CCSER1: variants seen among roughly 807,000 people sequenced by gnomAD.
The protein encoded by CCSER1 is coiled-coil serine rich protein 1.
A neutral mutation model predicts 82.0 loss-of-function variants in CCSER1; 41 were observed. The observed-to-expected ratio is 0.50, with a 90% CI of 0.39 to 0.65. The LOEUF is 0.65. Ranked by LOEUF, CCSER1 falls within the 30% of genes least tolerant of loss-of-function variation. The probability of loss-of-function intolerance (pLI) is 0.00; values close to 1 mark genes in which losing one functional copy is unlikely to be tolerated. For missense variants in CCSER1, 1,119 were observed against 1,064.2 expected (o/e 1.05, Z -0.72); for synonymous variants, 414 against 383.9 (o/e 1.08, Z -0.92).
chr4:90,691,301 A>G (rs1325511444), intron 6 of CCSER1, among the ~76,000 whole-genome samples: 2 of 151,960 alleles, frequency 1.3e-5, no homozygotes, highest in African/African-American at 4.8e-5. Flanking sequence ...TATGGATTCT[A>G]GAGTTTAAAT....
intron 10 of CCSER1, among the ~76,000 whole-genome samples, chr4:91,388,796 T>A (rs573552463): frequency 6.6e-6 from 1 of 152,150 alleles, no homozygotes; most frequent in African/African-American, 2.4e-5. Context: ...CTAACTTTGT[T>A]TTTTTTCCCT....
At chr4:90,809,045 C>T (rs59753408) in intron 7 of CCSER1, among the ~76,000 whole-genome samples, 51,732 of 151,862 alleles carry the variant, frequency 0.34, 9,024 homozygotes, top group East Asian at 0.43. Flanking sequence ...AAGTCAGGCA[C>T]GGTGGCTGAT....
At chr4:90,552,623 T>C (rs114650171) in intron 5 of CCSER1, among the ~76,000 whole-genome samples, 3 of 151,892 alleles carry the variant, frequency 2.0e-5, no homozygotes, top group African/African-American at 7.3e-5. Context: ...ACCTGGCTAA[T>C]TTTTTGTATT....
intron 10 of CCSER1, among the ~76,000 whole-genome samples, chr4:91,594,180 C>T (rs1764408559): frequency 6.6e-6 from 1 of 151,678 alleles, no homozygotes; most frequent in East Asian, 1.9e-4. Flanking sequence ...ATTAAAATTA[C>T]CTTCAGGGAT....
intron 1 of CCSER1, among the ~76,000 whole-genome samples, chr4:90,194,849 A>G (rs1343931155): frequency 1.3e-5 from 2 of 152,070 alleles, no homozygotes; most frequent in African/African-American, 4.8e-5. Context: ...AGTAATGAGT[A>G]TACTCTTACT....
intron 10 of CCSER1, among the ~76,000 whole-genome samples, chr4:91,166,718 A>G (rs1732119524): frequency 6.6e-6 from 1 of 152,142 alleles, no homozygotes; most frequent in Admixed American, 6.5e-5. Flanking sequence ...GTGAAAATGT[A>G]GTTGTTGTTG....
chr4:90,631,690 G>A (rs536120757), intron 6 of CCSER1, among the ~76,000 whole-genome samples: 1 of 152,282 alleles, frequency 6.6e-6, no homozygotes, highest in South Asian at 2.1e-4. Context: ...GTTCTACACA[G>A]CAGGCTAAAT....
At chr4:91,530,208 A>G (rs951348211) in intron 10 of CCSER1, among the ~76,000 whole-genome samples, 3 of 152,140 alleles carry the variant, frequency 2.0e-5, no homozygotes, top group African/African-American at 7.2e-5. Context: ...TTAAAAACAT[A>G]TATTCAATAA....
chr4:91,491,017 A>G (rs1329299549), intron 10 of CCSER1, among the ~76,000 whole-genome samples: 2 of 147,354 alleles, frequency 1.4e-5, no homozygotes, highest in Non-Finnish European at 3.0e-5. Flanking sequence ...ATAGTGTTAC[A>G]TCCATTATCT....
intron 5 of CCSER1, among the ~76,000 whole-genome samples, chr4:90,495,894 C>T (rs111923525): frequency 2.0e-5 from 3 of 152,242 alleles, no homozygotes; most frequent in African/African-American, 7.2e-5. Flanking sequence ...AACCACTTTG[C>T]TTTTACCACA....
intron 1 of CCSER1, among the ~76,000 whole-genome samples, chr4:90,240,655 A>G (rs74585447): frequency 0.041 from 6,169 of 152,274 alleles, 337 homozygotes; most frequent in African/African-American, 0.12. Flanking sequence ...CTGGGAGGCA[A>G]TTAATTCATA....
At chr4:90,634,063 A>G (rs1724974951) in intron 6 of CCSER1, among the ~76,000 whole-genome samples, 1 of 151,702 alleles carries the variant, frequency 6.6e-6, no homozygotes, top group Non-Finnish European at 1.5e-5. Context: ...TTTTTAAAAA[A>G]TTTTATGATC....
chr4:91,165,780 A>T (rs1489815596), intron 10 of CCSER1, among the ~76,000 whole-genome samples: 1 of 152,230 alleles, frequency 6.6e-6, no homozygotes, highest in African/African-American at 2.4e-5. Flanking sequence ...TGCTAAGACC[A>T]TTGGAAGAGT....
At chr4:90,972,325 A>G (rs1302902268) in intron 9 of CCSER1, among the ~76,000 whole-genome samples, 1 of 151,814 alleles carries the variant, frequency 6.6e-6, no homozygotes, top group African/African-American at 2.4e-5. Flanking sequence ...AATATTATAC[A>G]TATATCAAAT....
intron 8 of CCSER1, among the ~76,000 whole-genome samples, chr4:90,923,038 A>G (rs1728606160): frequency 6.6e-6 from 1 of 152,288 alleles, no homozygotes; most frequent in East Asian, 1.9e-4. Context: ...GATCAGCAAA[A>G]TAATAGCAAC....
chr4:90,698,356 AG>A (rs1737366603), intron 6 of CCSER1, among the ~76,000 whole-genome samples: 1 of 152,160 alleles, frequency 6.6e-6, no homozygotes, highest in South Asian at 2.1e-4. Flanking sequence ...ACTGACATCT[AG>A]GTGTGAAAAG....
intron 10 of CCSER1, among the ~76,000 whole-genome samples, chr4:91,593,466 GCTT>G (rs1347293974): frequency 2.7e-5 from 2 of 75,462 alleles, no homozygotes; most frequent in African/African-American, 1.1e-4. Flanking sequence ...TCAACCCCGT[GCTT>G]TTTTTTTTTT....
At chr4:90,882,646 A>G (rs1299113409) in intron 8 of CCSER1, among the ~76,000 whole-genome samples, 2 of 152,050 alleles carry the variant, frequency 1.3e-5, no homozygotes, top group Admixed American at 1.3e-4. Context: ...CTATCTAATC[A>G]TTAAAGAATA....
chr4:90,923,428 C>T lies in CCSER1; in HGVS notation c.2153C>T (p.Thr718Ile). ...FASRVDKSTQ[T>I]ELLCYDGLNL... ...TCAAGAGTAGATAAATCCACACAGA[C>T]TGAACTACTATGCTATGATGTAAGT... is the stretch of plus-strand genomic sequence containing the variant. Residue 718 changes from threonine (T) to isoleucine (I), a missense_variant, in exon 9 of 11, where the codon ACT (threonine) becomes ATT (isoleucine). Coordinates refer to ENST00000509176, the MANE Select transcript of CCSER1 (RefSeq NM_001145065.2). 2 of 1,550,962 alleles carry T rather than the reference C, an allele frequency of 1.3e-6. No individual in the cohort carries two copies. The highest frequency in any genetic ancestry group is 1.7e-6 in the Non-Finnish European group (2 of 1,146,394).
Sources: allele counts gnomAD v4.1 joint callset (sites outside exome capture counted in the v4.1 genomes callset), GRCh38; gene constraint gnomAD v4.1.1; transcripts MANE v1.5; gene names NCBI Gene and HGNC (gene_info 2026-07-23, HGNC 2026-07-21).